CRYBA4: variants seen among roughly 807,000 people sequenced by gnomAD.
The protein encoded by CRYBA4 is crystallin beta A4.
CRYBA4 carries 30 observed loss-of-function variants against 31.7 expected under a neutral mutation model. The ratio of observed to expected loss-of-function variants is 0.95; its 90% CI spans 0.71 to 1.28. The LOEUF is 1.28. Among genes scored for constraint, CRYBA4 ranks in the 50% most tolerant of loss-of-function variants. The pLI is 0.00. For missense variants in CRYBA4, 225 were observed against 260.7 expected (o/e 0.86, Z 0.94); for synonymous variants, 102 against 102.3 (o/e 1.00, Z 0.02).
At position 26,630,384 on chromosome 22, in the gene CRYBA4, T is replaced by C. The variant is rs747430669; in HGVS notation, c.488T>C (p.Val163Ala). ...QFPGYRGFQY[V>A]LECDHHSGDY... ...CCGGGCTACCGAGGATTTCAGTATG[T>C]GCTGGAATGCGATCACCATTCCGGT... Residue 163 changes from valine to alanine, a missense_variant, in exon 6 of 6, where the codon GTG (valine) becomes GCG (alanine). Coordinates refer to ENST00000354760, the MANE Select transcript of CRYBA4 (RefSeq NM_001886.3). 6.2e-7 allele frequency: 1 copy of C among 1,614,236 alleles called. No homozygotes were observed. Among genetic ancestry groups the C allele is most frequent in the Non-Finnish European group, 8.5e-7 (1 of 1,180,032 alleles).
At chr22:26,625,303 C>A (rs1014235125) in intron 3 of CRYBA4, among the ~76,000 whole-genome samples, 178 bp from the exon 4 acceptor site, 2 of 152,126 alleles carry the variant, frequency 1.3e-5, no homozygotes, top group Non-Finnish European at 2.9e-5. Context: ...AGATGGCCTT[C>A]GCAGTCCCTC....
chr22:26,626,164 G>A (rs1929698387), intron 4 of CRYBA4, among the ~76,000 whole-genome samples: 1 of 152,194 alleles, frequency 6.6e-6, no homozygotes, highest in South Asian at 2.1e-4. Context: ...CACTTTGGGA[G>A]GCCAAGGCGG....
chr22:26,590,220 A>T, the CRYBA4 span: 1 of 82,656 alleles, frequency 1.2e-5, no homozygotes. Flanking sequence ...CATCCCCTCC[A>T]CTGCGCCTCG....
chr22:26,591,436 C>G, the CRYBA4 span, among the ~76,000 whole-genome samples: 3 of 136,582 alleles, frequency 2.2e-5, no homozygotes, highest in African/African-American at 8.6e-5. Flanking sequence ...GCACTGCACT[C>G]CAGCCTGGGC....
the CRYBA4 span, chr22:26,602,004 T>A: frequency 1.9e-5 from 30 of 1,613,746 alleles, no homozygotes; most frequent in Non-Finnish European, 2.3e-5. Flanking sequence ...ACAGGGAGAT[T>A]TTGTGCTCCT....
At chr22:26,602,460 GCATGCCTGTAGTCT>G in the CRYBA4 span, among the ~76,000 whole-genome samples, 15 of 151,886 alleles carry the variant, frequency 9.9e-5, no homozygotes, top group East Asian at 2.5e-3. Flanking sequence ...GCATGGTGGT[GCATGCCTGTAGTCT>G]CAGCTACTTG....
At chr22:26,605,370 G>T in the CRYBA4 span, among the ~76,000 whole-genome samples, 1 of 152,154 alleles carries the variant, frequency 6.6e-6, no homozygotes, top group African/African-American at 2.4e-5. Flanking sequence ...TAGAACCAGA[G>T]CCTGGCAGAA....
At chr22:26,616,387 T>C in the CRYBA4 span, 1 of 1,266,276 alleles carries the variant, frequency 7.9e-7, no homozygotes, top group Admixed American at 1.7e-5. Flanking sequence ...AACTGCCTCC[T>C]GCCCTCATAG....
chr22:26,622,515 G>C (rs2145978139), intron 1 of CRYBA4, 70 bp from the exon 2 acceptor site: 1 of 1,386,490 alleles, frequency 7.2e-7, no homozygotes, highest in South Asian at 1.2e-5. Context: ...CCAGGTCCAA[G>C]CCAGCCATCT....
At chr22:26,596,125 G>A in the CRYBA4 span, among the ~76,000 whole-genome samples, 1 of 151,966 alleles carries the variant, frequency 6.6e-6, no homozygotes, top group African/African-American at 2.4e-5. Flanking sequence ...TTTTGAGATG[G>A]AAGCTTGTTC....
the CRYBA4 span, among the ~76,000 whole-genome samples, chr22:26,614,605 C>T: frequency 6.6e-6 from 1 of 152,034 alleles, no homozygotes; most frequent in Non-Finnish European, 1.5e-5. Context: ...CAGTCATGCG[C>T]AACAATATGG....
chr22:26,601,164 G>A, the CRYBA4 span, among the ~76,000 whole-genome samples: 540 of 152,314 alleles, frequency 3.5e-3, no homozygotes, highest in Admixed American at 8.7e-3. Flanking sequence ...ACAAGTCTGG[G>A]AATGGAGAGA....
chr22:26,624,158 A>G (rs1207321944), intron 3 of CRYBA4, among the ~76,000 whole-genome samples: 1 of 152,156 alleles, frequency 6.6e-6, no homozygotes, highest in African/African-American at 2.4e-5. Context: ...GAAGTTTGGA[A>G]AGTAGTTGGA....
At chr22:26,607,829 A>G in the CRYBA4 span, 4 of 1,612,270 alleles carry the variant, frequency 2.5e-6, no homozygotes, top group East Asian at 8.9e-5. Flanking sequence ...CAGATCTCAG[A>G]CTTACACCTG....
At chr22:26,629,467 C>G (rs924718485) in intron 5 of CRYBA4, among the ~76,000 whole-genome samples, 4 of 151,948 alleles carry the variant, frequency 2.6e-5, no homozygotes, top group African/African-American at 9.7e-5. Flanking sequence ...TTGGGCCAGA[C>G]ACGGTGGCTC....
At chr22:26,611,967 A>C in the CRYBA4 span, 1 of 823,858 alleles carries the variant, frequency 1.2e-6, no homozygotes, top group East Asian at 2.4e-5. Flanking sequence ...TGCCAGGAGT[A>C]CGAACGGCCG....
the CRYBA4 span, chr22:26,612,306 C>T: frequency 2.8e-6 from 2 of 707,292 alleles, no homozygotes; most frequent in Non-Finnish European, 5.1e-6. Flanking sequence ...TGTGATGAGC[C>T]ACAGTTTGTG....
Position 26,628,374 on chromosome 22 carries a change from C to T in CRYBA4, c.387C>T (p.Leu129=), listed in dbSNP as rs1238820644. 3 of 1,613,898 alleles carry T rather than the reference C, an allele frequency of 1.9e-6. No homozygotes were observed. The African/African-American group carries it at 4.0e-5, about 22-fold the overall frequency. The change falls in exon 5 of 6, where the codon CTC becomes CTT. Residue 129 remains leucine, a synonymous_variant. Coordinates refer to ENST00000354760, the MANE Select transcript of CRYBA4 (RefSeq NM_001886.3). ...KGELSDDYPS[L]QAMGWEGNEV... is the part of the protein sequence containing the mutation. ...AGCTGAGCGATGACTATCCTTCCCT[C>T]CAGGCCATGGGATGGGAAGGCAATG...
At chr22:26,629,607 G>T (rs1427638565) in intron 5 of CRYBA4, among the ~76,000 whole-genome samples, 13 of 151,834 alleles carry the variant, frequency 8.6e-5, no homozygotes, top group Admixed American at 8.5e-4. Flanking sequence ...GCTGGGTGTC[G>T]TGGCTATGCC....
Sources: gnomAD v4.1 joint callset for allele counts (sites outside exome capture counted in the v4.1 genomes callset) on GRCh38, gnomAD v4.1.1 for gene constraint, MANE v1.5 for transcripts, NCBI Gene and HGNC (gene_info 2026-07-23, HGNC 2026-07-21) for gene names.